Variants in STPG2 observed in about 807,000 individuals in gnomAD.
STPG2 encodes the protein sperm-tail PG-rich repeat-containing protein 2.
In STPG2, 56 loss-of-function variants were observed where a neutral mutation model predicts 54.2. The observed-to-expected ratio is 1.03, with a 90% confidence interval of 0.83 to 1.29. The LOEUF is 1.29. Ranked by LOEUF, STPG2 falls within the 50% of genes most tolerant of loss-of-function variation. STPG2 has a pLI of 0.00. For synonymous variants in STPG2, 200 were observed against 181.8 expected, an observed-to-expected ratio of 1.10 and a Z score of -0.81; for missense variants, 596 against 544.9, an observed-to-expected ratio of 1.09 and a Z score of -0.93.
intron 8 of STPG2, among the ~76,000 whole-genome samples, chr4:97,912,956 C>A (rs911680434): frequency 1.6e-4 from 25 of 152,116 alleles, no homozygotes; most frequent in Non-Finnish European, 2.6e-4. Flanking sequence ...GAAAGAGATA[C>A]CTTTATGATA....
At chr4:97,561,955 T>C (rs940905769) in intron 10 of STPG2, among the ~76,000 whole-genome samples, 10 of 152,154 alleles carry the variant, frequency 6.6e-5, no homozygotes, top group Non-Finnish European at 1.3e-4. Context: ...AACTTTAAAG[T>C]AGTTTTTTCC....
rs1352119296 is a variant in STPG2 at position 97,788,812 on chromosome 4, C to G, written c.1204+51961G>C. On this transcript the variant is annotated intron_variant, in intron 9 of 10. Coordinates refer to ENST00000295268, the MANE Select transcript of STPG2 (RefSeq NM_174952.3). ...TGATATTATATAGTTTTTGTTAATT[C>G]AATTTTAAAATATTTATTGTTATAC... is the stretch of plus-strand genomic sequence containing the variant. Among the ~76,000 whole-genome samples the G allele has an allele frequency of 3.3e-5, 5 of 151,850 alleles. No homozygotes were observed. The East Asian group carries it at 9.7e-4, about 29-fold the overall frequency.
rs556134108 is a variant in STPG2 at position 97,865,231 on chromosome 4, C to T, written c.1045-24299G>A. 1.8e-3 allele frequency among the ~76,000 whole-genome samples: 276 copies of T among 151,766 alleles called. 2 individuals are homozygous for T. Among genetic ancestry groups the T allele is most frequent in the Non-Finnish European group, 3.3e-3 (224 of 67,862 alleles). On this transcript the variant is annotated intron_variant, in intron 8 of 10. Transcript: ENST00000295268. ...TAATATCCAGAATCTACAAAGAACT[C>T]AAACAAATTTACAAGAAAAAAACAA... is the stretch of plus-strand genomic sequence containing the variant.
At chr4:97,952,986 C>G (rs1733530458) in intron 7 of STPG2, among the ~76,000 whole-genome samples, 1 of 152,182 alleles carries the variant, frequency 6.6e-6, no homozygotes, top group Non-Finnish European at 1.5e-5. Flanking sequence ...GGGATTTGTA[C>G]TTGCCTTATG....
intron 10 of STPG2, among the ~76,000 whole-genome samples, chr4:97,691,043 A>G (rs545057671): frequency 2.6e-5 from 4 of 152,282 alleles, no homozygotes; most frequent in Non-Finnish European, 4.4e-5. Flanking sequence ...GGCAGTTAGG[A>G]GGCAGGACTA....
At chr4:97,953,941 G>A (rs757422232) in intron 7 of STPG2, among the ~76,000 whole-genome samples, 3 of 152,162 alleles carry the variant, frequency 2.0e-5, no homozygotes, top group Admixed American at 6.5e-5. Flanking sequence ...AATAGGCATT[G>A]TAACACTTGC....
chr4:97,887,307 G>T (rs1052467236), intron 8 of STPG2, among the ~76,000 whole-genome samples: 1 of 152,178 alleles, frequency 6.6e-6, no homozygotes. Flanking sequence ...TGGTTCAATG[G>T]TTATGACCAA....
intron 8 of STPG2, among the ~76,000 whole-genome samples, chr4:97,932,612 C>A (rs1175876127): frequency 6.6e-6 from 1 of 152,088 alleles, no homozygotes; most frequent in Non-Finnish European, 1.5e-5. Context: ...TGAGAACATG[C>A]AGTGTTTGGT....
At chr4:98,044,474 C>T (rs943966214) in intron 5 of STPG2, among the ~76,000 whole-genome samples, 1 of 152,184 alleles carries the variant, frequency 6.6e-6, no homozygotes, top group Non-Finnish European at 1.5e-5. Flanking sequence ...CTCTACCTTT[C>T]TGCACTTACC....
intron 5 of STPG2, among the ~76,000 whole-genome samples, chr4:98,062,103 A>ATAC (rs1265736568): frequency 1.3e-5 from 2 of 152,236 alleles, no homozygotes; most frequent in Admixed American, 1.3e-4. Context: ...ACACCATGGA[A>ATAC]TACTATGCAG....
chr4:98,126,907 T>C (rs941691604), intron 3 of STPG2, among the ~76,000 whole-genome samples: 2 of 152,102 alleles, frequency 1.3e-5, no homozygotes, highest in African/African-American at 2.4e-5. Context: ...TAAGTTTTTC[T>C]ATAAGTCTGA....
At chr4:98,075,424 G>C (rs1738135162) in intron 5 of STPG2, among the ~76,000 whole-genome samples, 1 of 152,096 alleles carries the variant, frequency 6.6e-6, no homozygotes, top group South Asian at 2.1e-4. Flanking sequence ...GATTTTACTA[G>C]CCTTTTATGC....
intron 4 of STPG2, among the ~76,000 whole-genome samples, chr4:97,532,116 A>G (rs935267481): frequency 6.6e-6 from 1 of 152,154 alleles, no homozygotes; most frequent in African/African-American, 2.4e-5. Context: ...ATAATTTTGT[A>G]TGTAATGTTT....
chr4:97,983,686 C>G (rs1326863900), intron 5 of STPG2, among the ~76,000 whole-genome samples: 1 of 152,058 alleles, frequency 6.6e-6, no homozygotes, highest in Admixed American at 6.6e-5. Flanking sequence ...AATCCTTTTT[C>G]TTTCAGTAGG....
intron 10 of STPG2, among the ~76,000 whole-genome samples, chr4:97,703,794 A>ATGTG (rs111993291): frequency 6.9e-5 from 10 of 144,484 alleles, no homozygotes; most frequent in South Asian, 2.2e-4. Context: ...GTGTATATAT[A>ATGTG]TGTGTGTGTG....
chr4:97,727,206 G>A (rs1219327341), intron 9 of STPG2, among the ~76,000 whole-genome samples: 1 of 151,794 alleles, frequency 6.6e-6, no homozygotes, highest in African/African-American at 2.4e-5. Flanking sequence ...GGCATATAAT[G>A]TGTATATGTA....
intron 9 of STPG2, among the ~76,000 whole-genome samples, chr4:97,787,191 C>T (rs924775563): frequency 3.3e-5 from 5 of 151,948 alleles, no homozygotes; most frequent in African/African-American, 9.7e-5. Context: ...GTGAATATTT[C>T]GTACTTTTTT....
chr4:97,895,320 A>G (rs543163918), intron 8 of STPG2, among the ~76,000 whole-genome samples: 33 of 152,078 alleles, frequency 2.2e-4, no homozygotes, highest in Admixed American at 2.2e-3. Flanking sequence ...GTAAGAAATT[A>G]TAAATCAACA....
At chr4:97,933,121 A>G (rs995674266) in intron 8 of STPG2, among the ~76,000 whole-genome samples, 4 of 151,972 alleles carry the variant, frequency 2.6e-5, no homozygotes, top group African/African-American at 9.7e-5. Context: ...ATGATCAGTG[A>G]TGTTGAGCTT....
Sources: gnomAD v4.1 joint callset for allele counts (sites outside exome capture counted in the v4.1 genomes callset) on GRCh38, gnomAD v4.1.1 for gene constraint, MANE v1.5 for transcripts, NCBI Gene and HGNC (gene_info 2026-07-23, HGNC 2026-07-21) for gene names.